The following VPS4B variants were observed in gnomAD, a reference collection of about 807,000 sequenced individuals.
The protein encoded by VPS4B is vacuolar protein sorting-associated protein 4B.
A neutral mutation model predicts 56.1 loss-of-function variants in VPS4B; 23 were observed. That is an observed-to-expected ratio of 0.41 (90% CI 0.30 to 0.58). The LOEUF (loss-of-function observed/expected upper bound fraction) is 0.58. Among genes scored for constraint, VPS4B ranks in the 20% least tolerant of loss-of-function variants. VPS4B has a pLI of 0.29. For missense variants in VPS4B, 372 were observed against 531.9 expected, an observed-to-expected ratio of 0.70 and a Z score of 2.96; for synonymous variants, 177 against 186.0, an observed-to-expected ratio of 0.95 and a Z score of 0.39.
intron 9 of VPS4B, among the ~76,000 whole-genome samples, chr18:63,395,688 T>C (rs530415387): frequency 6.6e-6 from 1 of 152,360 alleles, no homozygotes; most frequent in South Asian, 2.1e-4. Context: ...TGAGTAATAC[T>C]GGATACTGTT....
At chr18:63,398,633 C>T (rs140291935) in intron 8 of VPS4B, among the ~76,000 whole-genome samples, 4 of 151,590 alleles carry the variant, frequency 2.6e-5, no homozygotes, top group African/African-American at 7.3e-5. Flanking sequence ...GTCAAGAGAT[C>T]GAGACCATCC....
chr18:63,409,515 T>C (rs1419698817), intron 3 of VPS4B, among the ~76,000 whole-genome samples: 1 of 152,304 alleles, frequency 6.6e-6, no homozygotes, highest in Non-Finnish European at 1.5e-5. Context: ...TAAGGGTGTG[T>C]TACCTGGAAC....
chr18:63,398,647 C>T (rs1426472233), intron 8 of VPS4B, among the ~76,000 whole-genome samples: 1 of 151,746 alleles, frequency 6.6e-6, no homozygotes, highest in African/African-American at 2.4e-5. Flanking sequence ...ACCATCCTGG[C>T]CACATGATGA....
chr18:63,392,404 C>T (rs775647565), intron 10 of VPS4B, among the ~76,000 whole-genome samples: 12 of 152,174 alleles, frequency 7.9e-5, no homozygotes, highest in South Asian at 2.1e-4. Context: ...ATAGAAAACA[C>T]TATAAAAACA....
intron 1 of VPS4B, among the ~76,000 whole-genome samples, chr18:63,413,834 G>T (rs953664926): frequency 4.6e-5 from 7 of 152,200 alleles, no homozygotes; most frequent in African/African-American, 1.7e-4. Flanking sequence ...GGAGGAACAG[G>T]TCTCCCGCTG....
At chr18:63,409,676 A>C (rs1186681940) in intron 3 of VPS4B, among the ~76,000 whole-genome samples, 2 of 152,236 alleles carry the variant, frequency 1.3e-5, no homozygotes, top group African/African-American at 4.8e-5. Context: ...AGACATGCCA[A>C]AAATCAGTTT....
Position 63,422,377 on chromosome 18 carries a change from C to G in VPS4B, c.-118G>C, listed in dbSNP as rs537997208. 3 of 966,066 alleles carry G rather than the reference C, an allele frequency of 3.1e-6. No individual in the cohort carries two copies. Among genetic ancestry groups the G allele is most frequent in the Non-Finnish European group, 4.3e-6 (3 of 704,650 alleles). 59.8% of individuals were successfully genotyped at this position (966,066 alleles called of 1,614,324 possible). A position where few individuals can be genotyped will look rare whatever the true frequency, so the allele number is the denominator to read the frequency against. ...CTGGGGAGGCCGGTGGTTCTCGGAC[C>G]GCGAAGGGCAGCCTCCCTTCCGGAA... On this transcript the variant is annotated 5_prime_UTR_variant, in exon 1 of 11. Coordinates refer to ENST00000238497, the MANE Select transcript of VPS4B (RefSeq NM_004869.4).
chr18:63,421,925 C>A (rs1020480956), intron 1 of VPS4B, among the ~76,000 whole-genome samples: 7 of 152,242 alleles, frequency 4.6e-5, no homozygotes, highest in African/African-American at 1.7e-4. Flanking sequence ...AAATTACGTT[C>A]TTTCTTTCTC....
chr18:63,406,698 T>G (rs1449599509), intron 4 of VPS4B, among the ~76,000 whole-genome samples: 1 of 152,222 alleles, frequency 6.6e-6, no homozygotes, highest in African/African-American at 2.4e-5. Context: ...GTCAGATATA[T>G]GAGGTAGTTT....
Position 63,402,331 on chromosome 18 carries a change from T to C in VPS4B, c.484+1376A>G, listed in dbSNP as rs1182232405. 4.6e-5 allele frequency among the ~76,000 whole-genome samples: 7 copies of C among 152,312 alleles called. No homozygotes were observed. In the South Asian group the frequency reaches 1.4e-3, roughly 32 times the overall value. On this transcript the variant is annotated intron_variant, in intron 5 of 10. Coordinates refer to ENST00000238497, the MANE Select transcript of VPS4B (RefSeq NM_004869.4). Reference sequence around the variant, plus strand: ...TCAATAACGTTACTAAGTAAAAATATGTGAGATGATTTAAAGTTCAAATAC... The same window carrying C: ...TCAATAACGTTACTAAGTAAAAATACGTGAGATGATTTAAAGTTCAAATAC...
chr18:63,398,223 A>ATT lies in VPS4B; in HGVS notation c.873-972_873-971dup, dbSNP rs869086603. On this transcript the variant is annotated intron_variant, in intron 8 of 10. Transcript: ENST00000238497. ...CACACACATATATATATATATATAT[A>ATT]TTTTTTTTTGAGATGGAGTCTCACT... Among the ~76,000 whole-genome samples the ATT allele has an allele frequency of 5.3e-4, 24 of 45,686 alleles. 1 individual carries two copies. Among genetic ancestry groups the ATT allele is most frequent in the Admixed American group, 7.9e-4 (3 of 3,778 alleles). The allele number at this position is 45,686 out of a possible 152,430, so 30.0% of individuals were successfully genotyped here. A position where few individuals can be genotyped will look rare whatever the true frequency, so the allele number is the denominator to read the frequency against.
chr18:63,408,933 T>G (rs1156730567), intron 3 of VPS4B, among the ~76,000 whole-genome samples: 2 of 152,184 alleles, frequency 1.3e-5, no homozygotes, highest in African/African-American at 2.4e-5. Context: ...AAGCTTCTGC[T>G]GTCAAGGGAG....
intron 9 of VPS4B, among the ~76,000 whole-genome samples, chr18:63,395,907 G>A (rs1042296942): frequency 6.6e-6 from 1 of 152,170 alleles, no homozygotes; most frequent in Non-Finnish European, 1.5e-5. Context: ...CAAATCACAT[G>A]TCTGTCCCAC....
intron 5 of VPS4B, among the ~76,000 whole-genome samples, chr18:63,401,683 ACTAT>A (rs1164505661): frequency 1.5e-4 from 23 of 152,184 alleles, no homozygotes; most frequent in African/African-American, 5.1e-4. Context: ...CTGGCAGTAA[ACTAT>A]CAAACATACA....
At chr18:63,406,135 G>A (rs1915912260) in intron 4 of VPS4B, among the ~76,000 whole-genome samples, 1 of 152,194 alleles carries the variant, frequency 6.6e-6, no homozygotes, top group South Asian at 2.1e-4. Context: ...ACTGGAATAA[G>A]GCCACTTGGC....
intron 3 of VPS4B, among the ~76,000 whole-genome samples, chr18:63,408,111 ACT>A (rs1398625353): frequency 6.6e-6 from 1 of 152,162 alleles, no homozygotes; most frequent in Admixed American, 6.5e-5. Context: ...TCACACCCAC[ACT>A]GTTTGCAAAA....
rs192101853 is a variant in VPS4B at position 63,409,760 on chromosome 18, C to A, written c.296+530G>T. Among the ~76,000 whole-genome samples, 219 of 152,184 alleles carry A rather than the reference C, an allele frequency of 1.4e-3. 1 individual carries two copies. The South Asian group carries it at 0.02, about 14-fold the overall frequency. ...AAGCAAATCTAACACAAATTCACATCAAAAAATTTTGCATAAGATATCCAA... is the reference window on the plus strand; with the variant it reads ...AAGCAAATCTAACACAAATTCACATAAAAAAATTTTGCATAAGATATCCAA... On this transcript the variant is annotated intron_variant, in intron 3 of 10. Coordinates refer to ENST00000238497, the MANE Select transcript of VPS4B (RefSeq NM_004869.4).
chr18:63,400,424 GAAGT>G, intron 6 of VPS4B, 119 bp downstream of exon 6: 1 of 1,176,964 alleles, frequency 8.5e-7, no homozygotes, highest in South Asian at 1.7e-5. Context: ...ATTTGACAGA[GAAGT>G]GAGTACCTGT....
chr18:63,406,839 T>A (rs184440662), intron 4 of VPS4B, among the ~76,000 whole-genome samples: 1 of 152,344 alleles, frequency 6.6e-6, no homozygotes, highest in East Asian at 1.9e-4. Flanking sequence ...GGCAGACCCT[T>A]GAACAGAATC....
Sources: allele counts gnomAD v4.1 joint callset (sites outside exome capture counted in the v4.1 genomes callset), GRCh38; gene constraint gnomAD v4.1.1; transcripts MANE v1.5; gene names NCBI Gene and HGNC (gene_info 2026-07-23, HGNC 2026-07-21).